CRACR2A: variants seen among roughly 807,000 people sequenced by gnomAD.
The protein encoded by CRACR2A is calcium release activated channel regulator 2A.
In CRACR2A, 79 loss-of-function variants were observed where a neutral mutation model predicts 90.5. The observed-to-expected ratio is 0.87, with a 90% confidence interval of 0.73 to 1.05. The LOEUF (loss-of-function observed/expected upper bound fraction) is 1.05. Among genes scored for constraint, CRACR2A ranks in the 50% least tolerant of loss-of-function variants. CRACR2A has a pLI of 0.00. For synonymous variants in CRACR2A, 338 were observed against 356.7 expected (o/e 0.95, Z 0.59); for missense variants, 823 against 897.2 (o/e 0.92, Z 1.06).
intron 17 of CRACR2A, among the ~76,000 whole-genome samples, chr12:3,624,598 C>T (rs921483680): frequency 6.6e-6 from 1 of 152,218 alleles, no homozygotes; most frequent in African/African-American, 2.4e-5. Context: ...CTGAACTGAA[C>T]GCATTGCCTG....
chr12:3,665,122 C>T (rs544958105), intron 7 of CRACR2A, among the ~76,000 whole-genome samples: 12 of 152,170 alleles, frequency 7.9e-5, no homozygotes, highest in Admixed American at 2.0e-4. Context: ...GCAGAAGAGA[C>T]GAAGAAGAGG....
At chr12:3,737,052 T>C (rs1185924904) in intron 1 of CRACR2A, among the ~76,000 whole-genome samples, 1 of 152,152 alleles carries the variant, frequency 6.6e-6, no homozygotes, top group Non-Finnish European at 1.5e-5. Context: ...GAAATTACAA[T>C]GATTACAGGA....
At chr12:3,616,807 C>A in intron 19 of CRACR2A, 147 bp downstream of exon 19, 1 of 621,238 alleles carries the variant, frequency 1.6e-6, no homozygotes, top group Non-Finnish European at 2.9e-6. Context: ...GGCCCAGGAC[C>A]CCGTTGCCTA....
At chr12:3,618,545 T>C (rs1867741553) in intron 18 of CRACR2A, among the ~76,000 whole-genome samples, 1 of 152,178 alleles carries the variant, frequency 6.6e-6, no homozygotes, top group Non-Finnish European at 1.5e-5. Context: ...TCCTCCTTTT[T>C]CCTTGAGTCT....
At chr12:3,635,283 G>A (rs56239173) in intron 14 of CRACR2A, among the ~76,000 whole-genome samples, 6,767 of 152,312 alleles carry the variant, frequency 0.044, 168 homozygotes, top group Middle Eastern at 0.082. Flanking sequence ...AGGACAATAA[G>A]ATGGCTGGAT....
chr12:3,735,576 G>C (rs1033542018), intron 1 of CRACR2A, among the ~76,000 whole-genome samples: 15 of 152,224 alleles, frequency 9.9e-5, no homozygotes, highest in African/African-American at 3.6e-4. Context: ...CTCCTCCAAA[G>C]CCTGTAAGGT....
intron 14 of CRACR2A, 122 bp downstream of exon 14, chr12:3,638,002 T>C (rs1051057851): frequency 1.1e-6 from 1 of 938,258 alleles, no homozygotes; most frequent in African/African-American, 1.7e-5. Flanking sequence ...GACACATATG[T>C]GGTGAATCAT....
At position 3,680,861 on chromosome 12, in the gene CRACR2A, T is replaced by C. The variant is rs137962175; in HGVS notation, c.229-512A>G. ...CACAGCATGGTGCTGTAAAGTTGAA[T>C]GCAATCATGAATGTAAAGCATATAA... On this transcript the variant is annotated intron_variant, in intron 4 of 19. Coordinates refer to ENST00000440314, the MANE Select transcript of CRACR2A (RefSeq NM_001144958.2). 2.6e-3 allele frequency among the ~76,000 whole-genome samples: 402 copies of C among 152,342 alleles called. 2 individuals carry two copies. Among genetic ancestry groups the C allele is most frequent in the African/African-American group, 9.0e-3 (375 of 41,578 alleles).
intron 17 of CRACR2A, among the ~76,000 whole-genome samples, chr12:3,627,211 G>C (rs970171701): frequency 3.9e-5 from 6 of 152,154 alleles, no homozygotes; most frequent in Admixed American, 3.3e-4. Context: ...CTCTCCATGA[G>C]GGCAGGGACT....
chr12:3,666,182 T>C (rs997523438), intron 7 of CRACR2A, among the ~76,000 whole-genome samples: 2 of 152,098 alleles, frequency 1.3e-5, no homozygotes, highest in Non-Finnish European at 2.9e-5. Flanking sequence ...ACCAGTGAGA[T>C]ACTGCGGATG....
At chr12:3,655,007 T>C (rs1471367978) in intron 9 of CRACR2A, among the ~76,000 whole-genome samples, 1 of 152,218 alleles carries the variant, frequency 6.6e-6, no homozygotes, top group Non-Finnish European at 1.5e-5. Context: ...AAACCCTGCA[T>C]TTTTATAGCT....
At chr12:3,730,415 C>A (rs1415191881) in intron 2 of CRACR2A, 1 of 152,182 alleles carries the variant, frequency 6.6e-6, no homozygotes, top group Non-Finnish European at 1.5e-5. Context: ...CATACTAGAA[C>A]TGAGTGTTTC....
intron 10 of CRACR2A, among the ~76,000 whole-genome samples, chr12:3,649,673 G>A (rs918765303): frequency 6.6e-6 from 1 of 152,160 alleles, no homozygotes; most frequent in African/African-American, 2.4e-5. Context: ...AACTCAGGTG[G>A]GGAGGTAAGG....
intron 2 of CRACR2A, among the ~76,000 whole-genome samples, chr12:3,721,601 A>AAC (rs201147160): frequency 1.3e-5 from 2 of 151,694 alleles, no homozygotes; most frequent in East Asian, 3.9e-4. Flanking sequence ...AAAAAAAAAA[A>AAC]AGTGAGTGAA....
intron 7 of CRACR2A, among the ~76,000 whole-genome samples, chr12:3,671,256 A>G (rs1229532228): frequency 1.3e-5 from 2 of 152,144 alleles, no homozygotes; most frequent in Non-Finnish European, 2.9e-5. Context: ...AGAACAGAAG[A>G]ATGCCTTCCT....
intron 11 of CRACR2A, chr12:3,648,040 T>C (rs1321728798): frequency 5.1e-6 from 5 of 987,732 alleles, no homozygotes; most frequent in Non-Finnish European, 6.0e-6. Context: ...TCAACAAACA[T>C]GAACAGAACA....
At chr12:3,616,867 C>T (rs1867693909) in intron 19 of CRACR2A, 87 bp downstream of exon 19, 8 of 1,071,880 alleles carry the variant, frequency 7.5e-6, no homozygotes, top group Middle Eastern at 4.3e-4. Flanking sequence ...AGAGGTGTGG[C>T]CTGGGTGGAG....
chr12:3,639,457 A>AACACACACACACACACACACAC (rs9300301), intron 13 of CRACR2A, among the ~76,000 whole-genome samples: 9,612 of 139,416 alleles, frequency 0.069, 452 homozygotes, highest in African/African-American at 0.1. Context: ...CCAGAATTGA[A>AACACACACACACACACACACAC]ACACACACAC....
chr12:3,734,419 T>C (rs553446052), intron 1 of CRACR2A, among the ~76,000 whole-genome samples: 1 of 152,124 alleles, frequency 6.6e-6, no homozygotes, highest in Non-Finnish European at 1.5e-5. Context: ...GAAAATGGCA[T>C]GGAAGTTCCT....
Sources: allele counts gnomAD v4.1 joint callset (sites outside exome capture counted in the v4.1 genomes callset), GRCh38; gene constraint gnomAD v4.1.1; transcripts MANE v1.5; gene names NCBI Gene and HGNC (gene_info 2026-07-23, HGNC 2026-07-21).